The following ATAD2 variants were observed in gnomAD, a reference collection of about 807,000 sequenced individuals.
ATAD2 encodes ATPase family AAA domain containing 2, also known as ATPase family AAA domain-containing protein 2.
In ATAD2, 62 loss-of-function variants were observed where a neutral mutation model predicts 168.9. The observed-to-expected ratio is 0.37, with a 90% CI of 0.30 to 0.45. The LOEUF (loss-of-function observed/expected upper bound fraction) is 0.45. Ranked by LOEUF, ATAD2 falls within the 20% of genes least tolerant of loss-of-function variation. ATAD2 has a pLI of 1.00. For synonymous variants in ATAD2, 613 were observed against 571.6 expected, an observed-to-expected ratio of 1.07 and a Z score of -1.03; for missense variants, 1,419 against 1,667.8, an observed-to-expected ratio of 0.85 and a Z score of 2.60.
At chr8:123,362,685 G>A (rs745958518) in intron 8 of ATAD2, among the ~76,000 whole-genome samples, 1 of 151,998 alleles carries the variant, frequency 6.6e-6, no homozygotes, top group Non-Finnish European at 1.5e-5. Context: ...CAAAGTGCTG[G>A]GATTAAGGTG....
chr8:123,401,420 A>T, upstream of ATAD2: 3 of 1,390,404 alleles, frequency 2.2e-6, no homozygotes, highest in Non-Finnish European at 3.0e-6. Context: ...TTGCTGTATC[A>T]ACTGCCATGG....
rs763762878 is a variant in ATAD2 at position 123,348,238 on chromosome 8, A to G, written c.1842T>C (p.Asp614=). The change falls in exon 15 of 28, where the codon GAT becomes GAC. Residue 614 remains aspartate, a synonymous_variant. Transcript: ENST00000287394. ...RKEILKIHTR[D]WNPKPLDTFL... ...ATGTGTCCAGTGGTTTGGGATTCCA[A>G]TCCCTGGTGTGAATCTTTAGAATCT... 4.4e-6 allele frequency: 7 copies of G among 1,601,474 alleles called. No individual in the cohort carries two copies. The South Asian group carries it at 5.7e-5, about 13-fold the overall frequency.
intron 8 of ATAD2, 36 bp downstream of exon 8, chr8:123,369,022 T>G (rs1288506429): frequency 7.8e-7 from 1 of 1,283,584 alleles, no homozygotes; most frequent in African/African-American, 1.5e-5. Context: ...AAAACAATTA[T>G]GTTGTCATAA....
intron 13 of ATAD2, among the ~76,000 whole-genome samples, chr8:123,350,582 T>A (rs912806149): frequency 6.6e-6 from 1 of 152,204 alleles, no homozygotes; most frequent in Non-Finnish European, 1.5e-5. Context: ...TGACATTTAT[T>A]TGTTGAAGAA....
chr8:123,346,355 T>C (rs1828242009), intron 17 of ATAD2, 83 bp from the exon 18 acceptor site: 2 of 1,325,856 alleles, frequency 1.5e-6, no homozygotes, highest in Non-Finnish European at 2.0e-6. Context: ...TAAACTTTCA[T>C]AAGTAAAAAG....
chr8:123,374,908 T>C (rs1829258474), intron 2 of ATAD2, among the ~76,000 whole-genome samples: 1 of 152,200 alleles, frequency 6.6e-6, no homozygotes, highest in African/African-American at 2.4e-5. Flanking sequence ...AGTAAGTATG[T>C]AGATCGTACC....
Position 123,321,144 on chromosome 8 carries a change from C to T in ATAD2, c.4163G>A (p.Cys1388Tyr). 1 of 1,609,102 alleles carries T rather than the reference C, an allele frequency of 6.2e-7. No homozygotes were observed. Among genetic ancestry groups the T allele is most frequent in the Non-Finnish European group, 8.5e-7 (1 of 1,178,824 alleles). Residue 1388 changes from cysteine (C) to tyrosine (Y), a missense_variant, in exon 28 of 28, where the codon TGT (cysteine) becomes TAT (tyrosine). Coordinates refer to ENST00000287394, the MANE Select transcript of ATAD2 (RefSeq NM_014109.4). ...KMEQEVENFS[C>Y]SR is the part of the protein sequence containing the mutation. ...GATACCATGACATCATCATCTGGAA[C>T]AACTGAAGTTTTCTACCTCTTGCTC...
At chr8:123,331,565 C>A (rs1827774348) in intron 24 of ATAD2, among the ~76,000 whole-genome samples, 1 of 152,254 alleles carries the variant, frequency 6.6e-6, no homozygotes, top group Admixed American at 6.5e-5. Flanking sequence ...TTACAATGGT[C>A]CTTATACTGG....
chr8:123,354,759 A>T (rs1395780528), intron 13 of ATAD2, among the ~76,000 whole-genome samples: 3 of 142,954 alleles, frequency 2.1e-5, no homozygotes, highest in South Asian at 4.7e-4. Flanking sequence ...AATCGCTGGA[A>T]CCTGGGAGAT....
At chr8:123,372,100 T>G (rs1829167338) in intron 3 of ATAD2, among the ~76,000 whole-genome samples, 1 of 152,174 alleles carries the variant, frequency 6.6e-6, no homozygotes, top group Non-Finnish European at 1.5e-5. Flanking sequence ...AGCTTTGTGA[T>G]AGCCCCAAAC....
At chr8:123,390,133 C>T (rs1829786025) in intron 1 of ATAD2, among the ~76,000 whole-genome samples, 2 of 151,402 alleles carry the variant, frequency 1.3e-5, no homozygotes, top group African/African-American at 4.9e-5. Context: ...TGCACACTGC[C>T]ACATCCGGCT....
chr8:123,397,249 A>G, upstream of ATAD2, among the ~76,000 whole-genome samples: 1 of 151,594 alleles, frequency 6.6e-6, no homozygotes, highest in Non-Finnish European at 1.5e-5. Context: ...TCAAAAAAAA[A>G]AAAAAAAAAA....
chr8:123,400,636 C>T (rs966355742), upstream of ATAD2: 4 of 663,246 alleles, frequency 6.0e-6, no homozygotes, highest in African/African-American at 7.1e-5. The surrounding 1 kb of genome is among the most constrained non-coding windows in gnomAD (Gnocchi z 4.5). Flanking sequence ...GCTCACCACG[C>T]AGCAGCTCTT....
chr8:123,405,227 A>C lies in ATAD2; in HGVS notation c.-2281-4052T>G, dbSNP rs903050573. Among the ~76,000 whole-genome samples, 3 of 151,296 alleles carry C rather than the reference A, an allele frequency of 2.0e-5. No individual in the cohort carries two copies. The East Asian group carries it at 5.9e-4, about 30-fold the overall frequency. ...ATCTCAGGCTGTATTTGTCCCAAGG[A>C]GGTCATAGTTTTCTTTTTCATTTTC... On this transcript the variant is annotated intron_variant, in intron 1 of 28. Transcript: ENST00000521903.
chr8:123,374,375 C>T (rs775988229), intron 2 of ATAD2, among the ~76,000 whole-genome samples: 20 of 152,116 alleles, frequency 1.3e-4, no homozygotes, highest in Non-Finnish European at 2.9e-4. Flanking sequence ...AACAAACAAA[C>T]TTTTGAGTAG....
intron 23 of ATAD2, 89 bp downstream of exon 23, chr8:123,334,111 C>G: frequency 6.4e-7 from 1 of 1,551,016 alleles, no homozygotes; most frequent in Non-Finnish European, 8.7e-7. Flanking sequence ...ACATCTGAAG[C>G]ATCCTTTTCA....
In ATAD2 at chr8:123,349,453, T is replaced by G. The variant is rs1204659175; in HGVS notation, c.1647-9A>C. 6.2e-7 allele frequency: 1 copy of G among 1,609,740 alleles called. No homozygotes were observed. Among genetic ancestry groups the G allele is most frequent in the Non-Finnish European group, 8.5e-7 (1 of 1,176,804 alleles). ...GGGTGGAAACAATAGAACTAAATTT[T>G]AAAAATAAGAGAGAAGAGATTAATA... On this transcript the variant is annotated splice_polypyrimidine_tract_variant and intron_variant, in intron 13 of 27. Coordinates refer to ENST00000287394, the MANE Select transcript of ATAD2 (RefSeq NM_014109.4).
intron 1 of ATAD2, among the ~76,000 whole-genome samples, chr8:123,412,192 T>C (rs1255590812): frequency 6.6e-6 from 1 of 152,224 alleles, no homozygotes; most frequent in Non-Finnish European, 1.5e-5. Context: ...GTAACAGATA[T>C]TGCAGAGACA....
chr8:123,370,308 A>G (rs1442644789), intron 6 of ATAD2, among the ~76,000 whole-genome samples: 1 of 152,132 alleles, frequency 6.6e-6, no homozygotes, highest in South Asian at 2.1e-4. Flanking sequence ...CCAAACTAAA[A>G]TTTATAGTCT....
Sources: gnomAD v4.1 joint callset for allele counts (sites outside exome capture counted in the v4.1 genomes callset) on GRCh38, gnomAD v4.1.1 for gene constraint, Gnocchi (gnomAD v3.1) non-coding constraint, MANE v1.5 for transcripts, NCBI Gene and HGNC (gene_info 2026-07-23, HGNC 2026-07-21) for gene names.